PDSS2: variants seen among roughly 807,000 people sequenced by gnomAD.
PDSS2 encodes all trans-polyprenyl-diphosphate synthase PDSS2.
Under a neutral mutation model 44.5 loss-of-function variants are expected in PDSS2, and 31 were observed. The ratio of observed to expected loss-of-function variants is 0.70; its 90% CI spans 0.52 to 0.94. The LOEUF is 0.94. Among genes scored for constraint, PDSS2 ranks in the 40% least tolerant of loss-of-function variants. The pLI is 0.00. For synonymous variants in PDSS2, 157 were observed against 180.3 expected (o/e 0.87, Z 1.03); for missense variants, 452 against 482.2 (o/e 0.94, Z 0.59).
At chr6:107,212,823 T>C (rs1286861713) in intron 4 of PDSS2, among the ~76,000 whole-genome samples, 4 of 116,496 alleles carry the variant, frequency 3.4e-5, no homozygotes, top group African/African-American at 1.4e-4. Flanking sequence ...CTGGGCAACA[T>C]AGCAAGACTC....
chr6:107,329,925 T>C (rs1441556985), intron 2 of PDSS2, among the ~76,000 whole-genome samples: 1 of 146,442 alleles, frequency 6.8e-6, no homozygotes, highest in African/African-American at 2.6e-5. Flanking sequence ...TGCTTGAAAC[T>C]GGGAGGCAGT....
intron 1 of PDSS2, among the ~76,000 whole-genome samples, chr6:107,338,247 G>T (rs1374555294): frequency 6.6e-6 from 1 of 152,166 alleles, no homozygotes; most frequent in African/African-American, 2.4e-5. Context: ...TGTAGCACAG[G>T]TCATATTTCA....
chr6:107,369,722 C>T (rs2114368856), intron 1 of PDSS2, among the ~76,000 whole-genome samples: 1 of 152,190 alleles, frequency 6.6e-6, no homozygotes, highest in South Asian at 2.1e-4. Context: ...AAAATCATCT[C>T]AGGCCAGGTG....
intron 7 of PDSS2, among the ~76,000 whole-genome samples, chr6:107,185,512 A>G (rs1034548103): frequency 6.6e-6 from 1 of 152,244 alleles, no homozygotes; most frequent in African/African-American, 2.4e-5. Flanking sequence ...TTTTGCCTGA[A>G]GTGGTAAAAA....
chr6:107,401,338 T>C (rs1780099555), intron 1 of PDSS2, among the ~76,000 whole-genome samples: 1 of 152,150 alleles, frequency 6.6e-6, no homozygotes, highest in Non-Finnish European at 1.5e-5. Context: ...TTATACAGTG[T>C]CTATACCAGT....
At chr6:107,300,497 C>G (rs982896849) in intron 2 of PDSS2, among the ~76,000 whole-genome samples, 1 of 152,168 alleles carries the variant, frequency 6.6e-6, no homozygotes, top group African/African-American at 2.4e-5. Flanking sequence ...GCACCCACCT[C>G]TAAACACGGG....
At chr6:107,236,295 C>T (rs184698533) in intron 4 of PDSS2, among the ~76,000 whole-genome samples, 60 of 152,184 alleles carry the variant, frequency 3.9e-4, no homozygotes, top group African/African-American at 1.3e-3. Context: ...ATTTCAGACA[C>T]ACAAAAGCTA....
chr6:107,308,100 C>T (rs1776920477), intron 2 of PDSS2, among the ~76,000 whole-genome samples: 1 of 152,144 alleles, frequency 6.6e-6, no homozygotes, highest in African/African-American at 2.4e-5. Flanking sequence ...AATAATTTAA[C>T]AGGCACTCAA....
At chr6:107,384,226 G>T (rs754516293) in intron 1 of PDSS2, among the ~76,000 whole-genome samples, 7 of 152,208 alleles carry the variant, frequency 4.6e-5, no homozygotes, top group Admixed American at 2.0e-4. Context: ...GACAGAACTA[G>T]GGGTAGTGGG....
chr6:107,260,909 A>ATTGG (rs1417586857), intron 3 of PDSS2, among the ~76,000 whole-genome samples: 1 of 151,934 alleles, frequency 6.6e-6, no homozygotes. Flanking sequence ...TGATCTGCCC[A>ATTGG]CCTCAGACAC....
intron 1 of PDSS2, among the ~76,000 whole-genome samples, chr6:107,350,119 T>G (rs958827621): frequency 6.6e-6 from 1 of 152,224 alleles, no homozygotes; most frequent in African/African-American, 2.4e-5. Context: ...AGATCATAGA[T>G]AGAAACAATG....
At chr6:107,301,921 C>CAAAAAA in intron 2 of PDSS2, among the ~76,000 whole-genome samples, 1 of 78,648 alleles carries the variant, frequency 1.3e-5, no homozygotes, top group East Asian at 4.4e-4. Flanking sequence ...GACTCTATCT[C>CAAAAAA]AAAAAAAAAA....
chr6:107,420,384 T>C (rs1462342281), intron 1 of PDSS2, among the ~76,000 whole-genome samples: 2 of 152,060 alleles, frequency 1.3e-5, no homozygotes, highest in Admixed American at 6.6e-5. Context: ...TAAAACAAGT[T>C]TGAAAAAGAA....
chr6:107,368,377 A>C (rs147259047), intron 1 of PDSS2, among the ~76,000 whole-genome samples: 14 of 152,320 alleles, frequency 9.2e-5, no homozygotes, highest in African/African-American at 3.4e-4. Context: ...AACTTAAAAG[A>C]AGTGTAAAAT....
chr6:107,277,830 G>A (rs546279593), intron 2 of PDSS2, among the ~76,000 whole-genome samples: 4 of 151,976 alleles, frequency 2.6e-5, no homozygotes, highest in Non-Finnish European at 4.4e-5. Flanking sequence ...GCGGGTGCCT[G>A]ACTAATTTTT....
intron 1 of PDSS2, among the ~76,000 whole-genome samples, chr6:107,438,938 A>C (rs561647381): frequency 5.3e-5 from 8 of 152,296 alleles, no homozygotes; most frequent in African/African-American, 1.4e-4. Context: ...TACTGCCCAC[A>C]ATGACTCCCT....
At chr6:107,321,277 C>T (rs1049442462) in intron 2 of PDSS2, among the ~76,000 whole-genome samples, 3 of 152,148 alleles carry the variant, frequency 2.0e-5, no homozygotes, top group East Asian at 1.9e-4. Flanking sequence ...ATAAAATAGA[C>T]GAGAAGTGCC....
intron 4 of PDSS2, among the ~76,000 whole-genome samples, chr6:107,237,897 GAAA>G (rs71551306): frequency 1.2e-5 from 1 of 80,650 alleles, no homozygotes. Flanking sequence ...CTCCGTCTCT[GAAA>G]AAAAAAAAAA....
intron 1 of PDSS2, among the ~76,000 whole-genome samples, chr6:107,374,836 T>C (rs868817305): frequency 1.9e-4 from 29 of 152,306 alleles, no homozygotes; most frequent in African/African-American, 5.8e-4. Flanking sequence ...TTTTTACTTA[T>C]GGTAGGTAAG....
Sources: gnomAD v4.1 joint callset for allele counts (sites outside exome capture counted in the v4.1 genomes callset) on GRCh38, gnomAD v4.1.1 for gene constraint, MANE v1.5 for transcripts, NCBI Gene and HGNC (gene_info 2026-07-23, HGNC 2026-07-21) for gene names.